Variants in DBF4B observed in about 807,000 individuals in gnomAD.
DBF4B encodes the protein protein DBF4 homolog B.
DBF4B carries 49 observed loss-of-function variants against 53.4 expected under a neutral mutation model. The ratio of observed to expected loss-of-function variants is 0.92; its 90% CI spans 0.73 to 1.16. DBF4B has a LOEUF of 1.16. Ranked by LOEUF, DBF4B falls within the 50% of genes most tolerant of loss-of-function variation. The pLI is 0.00. For synonymous variants in DBF4B, 257 were observed against 288.7 expected, an observed-to-expected ratio of 0.89 and a Z score of 1.11; for missense variants, 692 against 775.0, an observed-to-expected ratio of 0.89 and a Z score of 1.27.
intron 2 of DBF4B, among the ~76,000 whole-genome samples, chr17:44,711,465 A>G (rs560615493): frequency 1.3e-5 from 2 of 151,904 alleles, no homozygotes; most frequent in African/African-American, 4.8e-5. Flanking sequence ...CCAAGTAGCT[A>G]TGTCTTCAGG....
In DBF4B at chr17:44,749,628, G is replaced by A; in HGVS notation, c.1190-967G>A. The A allele has an allele frequency of 2.5e-6, 3 of 1,185,360 alleles. No individual in the cohort carries two copies. The highest frequency in any genetic ancestry group is 1.6e-5 in the South Asian group (1 of 63,922). The allele number at this position is 1,185,360 out of a possible 1,614,324, so 73.4% of individuals were successfully genotyped here. A position where few individuals can be genotyped will look rare whatever the true frequency, so the allele number is the denominator to read the frequency against. ...TGCCTCCTGCCATGTTCCTGACCAG[G>A]CAGAGTCTACAGTGGGCTTGCCCAG... On this transcript the variant is annotated intron_variant, in intron 13 of 13. Coordinates refer to ENST00000315005, the MANE Select transcript of DBF4B (RefSeq NM_145663.3). The surrounding 1 kb of genome is among the most constrained non-coding windows in gnomAD (Gnocchi z 4.4).
chr17:44,708,982 C>T (rs144171709), intron 1 of DBF4B, 143 bp downstream of exon 1: 16,318 of 1,192,478 alleles, frequency 0.014, 176 homozygotes, highest in South Asian at 0.03. Flanking sequence ...GGGAAGGAGC[C>T]ACAGGAGTTG....
intron 1 of DBF4B, 59 bp downstream of exon 1, chr17:44,708,898 A>G: frequency 6.5e-7 from 1 of 1,545,794 alleles, no homozygotes; most frequent in Non-Finnish European, 8.7e-7. Flanking sequence ...AGCTGAGGCG[A>G]GGTGCGGAGT....
intron 10 of DBF4B, among the ~76,000 whole-genome samples, chr17:44,742,781 A>C (rs112632771): frequency 6.6e-6 from 1 of 152,146 alleles, no homozygotes; most frequent in Non-Finnish European, 1.5e-5. Flanking sequence ...GGGCTTGTTA[A>C]TGTTTCTACT....
At chr17:44,724,817 G>A (rs575232148) in intron 3 of DBF4B, among the ~76,000 whole-genome samples, 70 of 151,690 alleles carry the variant, frequency 4.6e-4, no homozygotes, top group Non-Finnish European at 4.0e-4. Context: ...TCATCTCTAC[G>A]AAAAATAAAA....
chr17:44,733,164 C>CAAA (rs34958647), intron 6 of DBF4B, among the ~76,000 whole-genome samples: 36 of 104,972 alleles, frequency 3.4e-4, no homozygotes, highest in Non-Finnish European at 4.8e-4. Flanking sequence ...GACTCCGTCT[C>CAAA]AAAAAAAAAA....
intron 2 of DBF4B, among the ~76,000 whole-genome samples, chr17:44,721,772 G>T (rs1432654792): frequency 6.6e-6 from 1 of 150,896 alleles, no homozygotes; most frequent in Non-Finnish European, 1.5e-5. Flanking sequence ...CTCGAAGGAA[G>T]ATCAAAAGCT....
intron 2 of DBF4B, among the ~76,000 whole-genome samples, chr17:44,713,179 A>G (rs1390507219): frequency 2.0e-5 from 3 of 149,756 alleles, no homozygotes; most frequent in Non-Finnish European, 4.4e-5. Context: ...CGCTGGGACT[A>G]CAGGCACCCA....
chr17:44,718,640 G>A (rs182235656), intron 2 of DBF4B, among the ~76,000 whole-genome samples: 74 of 152,002 alleles, frequency 4.9e-4, no homozygotes, highest in African/African-American at 1.7e-3. Flanking sequence ...GTTATCAGGA[G>A]GCACATGATG....
chr17:44,748,317 C>G (rs753422071), intron 12 of DBF4B, 24 bp from the exon 13 acceptor site: 1 of 1,569,688 alleles, frequency 6.4e-7, no homozygotes, highest in Non-Finnish European at 8.6e-7. Flanking sequence ...AAACCTGCAG[C>G]TCACAGTGTT....
In DBF4B at chr17:44,749,656, G is replaced by A; in HGVS notation, c.1190-939G>A. 8.5e-7 allele frequency: 1 copy of A among 1,170,584 alleles called. No homozygotes were observed. The highest frequency in any genetic ancestry group is 1.7e-5 in the South Asian group (1 of 59,304). The allele number at this position is 1,170,584 out of a possible 1,614,324, so 72.5% of individuals were successfully genotyped here. A position where few individuals can be genotyped will look rare whatever the true frequency, so the allele number is the denominator to read the frequency against. Reference sequence around the variant, plus strand: ...GAGTCTACAGTGGGCTTGCCCAGCTGAGGCTGGCCGCCCACGCCAGGAGGC... The same window carrying A: ...GAGTCTACAGTGGGCTTGCCCAGCTAAGGCTGGCCGCCCACGCCAGGAGGC... On this transcript the variant is annotated intron_variant, in intron 13 of 13. Transcript: ENST00000315005. This position sits in a 1 kb window ranked among gnomAD's most constrained non-coding sequence, Gnocchi z 4.4.
intron 2 of DBF4B, among the ~76,000 whole-genome samples, chr17:44,717,298 C>T (rs995540486): frequency 2.0e-5 from 3 of 152,026 alleles, no homozygotes; most frequent in South Asian, 2.1e-4. Flanking sequence ...TAGATCTTTT[C>T]GTTTTTAATT....
intron 2 of DBF4B, among the ~76,000 whole-genome samples, chr17:44,712,070 C>G (rs1201390381): frequency 6.7e-6 from 1 of 150,330 alleles, no homozygotes; most frequent in Non-Finnish European, 1.5e-5. Flanking sequence ...GCACTCCAGC[C>G]TGGGCAACAA....
chr17:44,744,081 A>C (rs1011878528), intron 10 of DBF4B, among the ~76,000 whole-genome samples: 1,032 of 8,608 alleles, frequency 0.12, 1 homozygote, highest in Admixed American at 0.22. Flanking sequence ...TAATGAGACC[A>C]CCCCCCCCCC....
chr17:44,711,627 C>T (rs921531495), intron 2 of DBF4B, among the ~76,000 whole-genome samples: 18 of 152,006 alleles, frequency 1.2e-4, no homozygotes, highest in South Asian at 6.2e-4. Context: ...GCCTGGGCAA[C>T]GTGGTGAAAC....
chr17:44,728,710 G>T (rs1568176192), intron 3 of DBF4B, among the ~76,000 whole-genome samples: 1 of 151,822 alleles, frequency 6.6e-6, no homozygotes, highest in Non-Finnish European at 1.5e-5. Flanking sequence ...TCAGCTATTC[G>T]GGAGGCTGAT....
At chr17:44,709,641 G>GT (rs1418295924) in intron 2 of DBF4B, among the ~76,000 whole-genome samples, 1 of 152,082 alleles carries the variant, frequency 6.6e-6, no homozygotes, top group African/African-American at 2.4e-5. Flanking sequence ...TTTTATGTGT[G>GT]TGTGTGTATG....
chr17:44,730,281 T>C (rs572289064), intron 4 of DBF4B, among the ~76,000 whole-genome samples, 185 bp downstream of exon 4: 1 of 152,316 alleles, frequency 6.6e-6, no homozygotes, highest in East Asian at 1.9e-4. Context: ...CTATCCCCCA[T>C]GCTACCCTTT....
chr17:44,729,774 C>A, intron 3 of DBF4B, 131 bp from the exon 4 acceptor site: 1 of 904,932 alleles, frequency 1.1e-6, no homozygotes, highest in Non-Finnish European at 1.6e-6. Flanking sequence ...TGGTATGAAA[C>A]TGCATTTAGT....
Sources: allele counts gnomAD v4.1 joint callset (sites outside exome capture counted in the v4.1 genomes callset), GRCh38; gene constraint gnomAD v4.1.1; non-coding constraint Gnocchi (gnomAD v3.1); transcripts MANE v1.5; gene names NCBI Gene and HGNC (gene_info 2026-07-23, HGNC 2026-07-21).